Variants in TDRD5 observed in about 807,000 individuals in gnomAD.
The protein encoded by TDRD5 is tudor domain containing 5, also known as tudor domain-containing protein 5.
TDRD5 carries 41 observed loss-of-function variants against 120.6 expected under a neutral mutation model. The observed-to-expected ratio is 0.34, with a 90% CI of 0.26 to 0.44. The LOEUF (loss-of-function observed/expected upper bound fraction) is 0.44, where lower values mean the gene tolerates loss of function less well. Ranked by LOEUF, TDRD5 falls within the 20% of genes least tolerant of loss-of-function variation. The pLI, the probability that TDRD5 is intolerant of heterozygous loss-of-function variation, is 1.00. For synonymous variants in TDRD5, 430 were observed against 433.7 expected (o/e 0.99, Z 0.11); for missense variants, 1,006 against 1,221.2 (o/e 0.82, Z 2.63).
Position 179,663,479 on chromosome 1 carries a change from C to T in TDRD5, c.2637C>T (p.Asn879=), listed in dbSNP as rs1053413083. The T allele has an allele frequency of 6.2e-6, 10 of 1,611,168 alleles. No homozygotes were observed. Among genetic ancestry groups the T allele is most frequent in the South Asian group, 1.1e-5 (1 of 90,310 alleles). ...LGAQEKNTGT[N]RTQKQLDING... ...CTCAGGAAAAAAATACTGGCACAAA[C>T]AGGACTCAAAAGGTAAATGTCTAAT... The change falls in exon 16 of 18, where the codon AAC becomes AAT. Residue 879 remains asparagine, a synonymous_variant. Coordinates refer to ENST00000444136, the MANE Select transcript of TDRD5 (RefSeq NM_001199085.3).
chr1:179,626,875 A>G (rs1677157684), intron 6 of TDRD5, among the ~76,000 whole-genome samples: 1 of 152,204 alleles, frequency 6.6e-6, no homozygotes, highest in Non-Finnish European at 1.5e-5. Flanking sequence ...TGAAGCCTGA[A>G]AACTAGAATT....
At chr1:179,606,908 G>A (rs963723088) in intron 4 of TDRD5, among the ~76,000 whole-genome samples, 1 of 151,998 alleles carries the variant, frequency 6.6e-6, no homozygotes, top group Non-Finnish European at 1.5e-5. Flanking sequence ...TCAATATTTT[G>A]TTGGCTATTC....
chr1:179,622,467 A>G (rs1231388311), intron 6 of TDRD5, among the ~76,000 whole-genome samples: 1 of 152,208 alleles, frequency 6.6e-6, no homozygotes, highest in Non-Finnish European at 1.5e-5. Flanking sequence ...TTCTGAGATG[A>G]TGCAGATATT....
At chr1:179,641,524 T>A (rs1202991725) in intron 11 of TDRD5, among the ~76,000 whole-genome samples, 1 of 149,426 alleles carries the variant, frequency 6.7e-6, no homozygotes, top group Admixed American at 6.7e-5. Flanking sequence ...AGAGCGAAAC[T>A]CCGTCTCAGA....
chr1:179,638,240 T>C (rs998368031), intron 9 of TDRD5, among the ~76,000 whole-genome samples: 4 of 130,296 alleles, frequency 3.1e-5, no homozygotes, highest in African/African-American at 1.1e-4. Context: ...AGTGGACTAG[T>C]CTTGATGAGA....
intron 13 of TDRD5, among the ~76,000 whole-genome samples, chr1:179,653,780 C>T (rs1378597661): frequency 1.3e-5 from 2 of 152,186 alleles, no homozygotes; most frequent in Non-Finnish European, 2.9e-5. Context: ...TACACCTCTA[C>T]ACCCAGTTCC....
At chr1:179,609,070 A>G (rs1289829020) in intron 4 of TDRD5, among the ~76,000 whole-genome samples, 1 of 152,156 alleles carries the variant, frequency 6.6e-6, no homozygotes, top group African/African-American at 2.4e-5. Flanking sequence ...GCTTATAAGA[A>G]GAGACACTAG....
intron 4 of TDRD5, among the ~76,000 whole-genome samples, chr1:179,602,716 A>G (rs970217145): frequency 2.0e-5 from 3 of 152,142 alleles, no homozygotes; most frequent in East Asian, 1.9e-4. Flanking sequence ...TGGGTTCTCT[A>G]TTCTGTTCCA....
intron 14 of TDRD5, among the ~76,000 whole-genome samples, chr1:179,657,577 G>T (rs1015101516): frequency 4.6e-5 from 7 of 151,856 alleles, no homozygotes; most frequent in Admixed American, 6.6e-5. Context: ...TAGTTTTCTT[G>T]TATTGTCTTT....
intron 11 of TDRD5, among the ~76,000 whole-genome samples, chr1:179,644,784 A>C (rs1678250613): frequency 1.3e-5 from 2 of 151,976 alleles, no homozygotes; most frequent in South Asian, 4.2e-4. Flanking sequence ...TTTTCAAAGA[A>C]CCAAGTTTGG....
intron 14 of TDRD5, among the ~76,000 whole-genome samples, chr1:179,654,634 T>A (rs1413344101): frequency 6.6e-6 from 1 of 152,150 alleles, no homozygotes; most frequent in East Asian, 1.9e-4. Context: ...CCAGCCATAG[T>A]GGCATGTGCC....
intron 11 of TDRD5, among the ~76,000 whole-genome samples, chr1:179,646,724 TCTC>T (rs1180624696): frequency 6.6e-6 from 1 of 152,086 alleles, no homozygotes; most frequent in East Asian, 1.9e-4. Flanking sequence ...CAGCCCAAAA[TCTC>T]CTTAAGCTGA....
At chr1:179,623,675 C>T (rs1676967056) in intron 6 of TDRD5, among the ~76,000 whole-genome samples, 2 of 142,766 alleles carry the variant, frequency 1.4e-5, no homozygotes, top group Admixed American at 7.1e-5. Context: ...TCACTGTCAC[C>T]CAGGCTGGAG....
Position 179,634,486 on chromosome 1 carries a change from G to A in TDRD5, c.1156G>A (p.Ala386Thr). The change falls in exon 8 of 18, where the codon GCT becomes ACT. Residue 386 changes from alanine to threonine, a missense_variant. By Grantham distance (58) the Ala-to-Thr change is moderately conservative. Transcript: ENST00000444136. The part of the protein sequence containing the change: ...VQSDKKIEAK[A>T]CVSSPPRNSL... ...GTCAGATAAGAAAATAGAAGCCAAA[G>A]CTTGTGTCTCCAGTCCACCTAGAAA... 1.2e-6 allele frequency: 2 copies of A among 1,604,080 alleles called. No homozygotes were observed. The highest frequency in any genetic ancestry group is 1.7e-6 in the Non-Finnish European group (2 of 1,177,830).
chr1:179,618,228 C>G (rs954728489), intron 4 of TDRD5, among the ~76,000 whole-genome samples: 2 of 152,216 alleles, frequency 1.3e-5, no homozygotes, highest in African/African-American at 4.8e-5. Flanking sequence ...CCCATCTCTT[C>G]CCTGCATTAG....
chr1:179,656,473 G>A (rs1040242503), intron 14 of TDRD5, among the ~76,000 whole-genome samples: 6 of 152,160 alleles, frequency 3.9e-5, no homozygotes, highest in Admixed American at 3.9e-4. Context: ...TATGGACAGT[G>A]TTTCCAGTAT....
chr1:179,594,083 T>A (rs1383860574), intron 3 of TDRD5, among the ~76,000 whole-genome samples: 1 of 152,188 alleles, frequency 6.6e-6, no homozygotes, highest in Non-Finnish European at 1.5e-5. Context: ...GGACCTTACA[T>A]GAGGTGAGTT....
intron 6 of TDRD5, among the ~76,000 whole-genome samples, chr1:179,625,501 C>T (rs988948931): frequency 2.0e-5 from 3 of 152,082 alleles, no homozygotes; most frequent in Non-Finnish European, 4.4e-5. Flanking sequence ...TTGTAAATGG[C>T]CCAACTTCAC....
chr1:179,669,651 T>A (rs1219787810), intron 17 of TDRD5, among the ~76,000 whole-genome samples: 1 of 152,144 alleles, frequency 6.6e-6, no homozygotes, highest in East Asian at 1.9e-4. Context: ...AGAGTAAAAT[T>A]TGCTGGTTGT....
Sources: allele counts gnomAD v4.1 joint callset (sites outside exome capture counted in the v4.1 genomes callset), GRCh38; gene constraint gnomAD v4.1.1; transcripts MANE v1.5; gene names NCBI Gene and HGNC (gene_info 2026-07-23, HGNC 2026-07-21).